Variants in LYST observed in about 807,000 individuals in gnomAD.
LYST encodes lysosomal-trafficking regulator.
In LYST, 192 loss-of-function variants were observed where a neutral mutation model predicts 413.6. That is an observed-to-expected ratio of 0.46 (90% CI 0.41 to 0.52). The LOEUF (loss-of-function observed/expected upper bound fraction) is 0.52. Among genes scored for constraint, LYST ranks in the 20% least tolerant of loss-of-function variants. The pLI, the probability that LYST is intolerant of heterozygous loss-of-function variation, is 0.00. For synonymous variants in LYST, 1,525 were observed against 1,567.3 expected (o/e 0.97, Z 0.64); for missense variants, 3,815 against 4,499.9 (o/e 0.85, Z 4.35).
At chr1:235,734,917 A>G in intron 31 of LYST, 1 of 286,178 alleles carries the variant, frequency 3.5e-6, no homozygotes, top group Non-Finnish European at 6.6e-6. Flanking sequence ...AAGAATTTAG[A>G]GGTAAAATAT....
In LYST at chr1:235,686,738, G is replaced by A. The variant is rs982642835; in HGVS notation, c.10800+211C>T. 4.6e-5 allele frequency among the ~76,000 whole-genome samples: 7 copies of A among 151,824 alleles called. No individual in the cohort carries two copies. The highest frequency in any genetic ancestry group is 2.1e-4 in the South Asian group (1 of 4,822). ...CAAAACAGATCTAACTCAAAATACC[G>A]TCTCTGAAAAAAAATGGGACTACTA... On this transcript the variant is annotated intron_variant, in intron 48 of 52. Transcript: ENST00000389793. This position sits in a 1 kb window ranked among gnomAD's most constrained non-coding sequence, Gnocchi z 4.0.
At position 235,830,333 on chromosome 1, in the gene LYST, C is replaced by T. The variant is rs755173231; in HGVS notation, c.85G>A (p.Ala29Thr). The T allele has an allele frequency of 1.3e-5, 21 of 1,613,778 alleles. No individual in the cohort carries two copies. The highest frequency in any genetic ancestry group is 1.7e-5 in the Non-Finnish European group (20 of 1,179,886). The change falls in exon 3 of 53, where the codon GCC (alanine) becomes ACC (threonine). Residue 29 changes from alanine to threonine, a missense_variant. By Grantham distance (58) the Ala-to-Thr change is moderately conservative. Coordinates refer to ENST00000389793, the MANE Select transcript of LYST (RefSeq NM_000081.4). ...LCNAVVQRVE[A>T]REEEEEETHM... ...GTCTCCTCCTCTTCTTCCTCCCTGG[C>T]CTCCACCCTCTGGACCACTGCATTG...
At chr1:235,833,110 A>T (rs1411086001) in intron 2 of LYST, among the ~76,000 whole-genome samples, 3 of 151,528 alleles carry the variant, frequency 2.0e-5, no homozygotes, top group African/African-American at 4.8e-5. Flanking sequence ...ATCAGTTTGC[A>T]CTAACAGAAC....
chr1:235,744,041 C>G lies in LYST; in HGVS notation c.8089G>C (p.Val2697Leu). The G allele has an allele frequency of 1.9e-6, 3 of 1,577,684 alleles. No homozygotes were observed. Among genetic ancestry groups the G allele is most frequent in the Non-Finnish European group, 2.6e-6 (3 of 1,147,820 alleles). ...EENIHHEQSS[V>L]FNPFQKEIFT... ...ATTTCTTTCTGAAATGGATTGAAAACAGAAGACTGTTCATGATGAATATTT... is the reference window on the plus strand; with the variant it reads ...ATTTCTTTCTGAAATGGATTGAAAAGAGAAGACTGTTCATGATGAATATTT... The change falls in exon 30 of 53, where the codon GTT becomes CTT. Residue 2697 changes from valine (V) to leucine (L), a missense_variant. Transcript: ENST00000389793.
At chr1:235,731,984 T>C (rs879385634) in intron 34 of LYST, among the ~76,000 whole-genome samples, 1 of 152,168 alleles carries the variant, frequency 6.6e-6, no homozygotes, top group Non-Finnish European at 1.5e-5. Flanking sequence ...ACATATTAAG[T>C]ACATTTTTAG....
At chr1:235,723,986 A>T in intron 39 of LYST, 42 bp downstream of exon 39, 1 of 1,537,848 alleles carries the variant, frequency 6.5e-7, no homozygotes, top group Non-Finnish European at 9.0e-7. Flanking sequence ...GTGGCCCATG[A>T]GCACTTAAAC....
chr1:235,712,824 G>A (rs781171101), intron 42 of LYST: 2 of 984,708 alleles, frequency 2.0e-6, no homozygotes, highest in Non-Finnish European at 2.4e-6. Context: ...TTTTTCCAGG[G>A]TAGACTATTA....
rs562170467 is a variant in LYST, at chr1:235,732,988, CAA to C, written c.8801+513_8801+514del. Among the ~76,000 whole-genome samples, 389 of 152,250 alleles carry C rather than the reference CAA, an allele frequency of 2.6e-3. 2 individuals carry two copies. The highest frequency in any genetic ancestry group is 0.014 in the Middle Eastern group (4 of 292). On this transcript the variant is annotated intron_variant, in intron 34 of 52. Transcript: ENST00000389793. ...TGAGCTTAGAAAGTCATCTATCCTT[CAA>C]AGAGTTGACAAATATCCTATTATCT...
intron 1 of LYST, among the ~76,000 whole-genome samples, chr1:235,849,792 A>C (rs1244141489): frequency 6.6e-6 from 1 of 150,882 alleles, no homozygotes; most frequent in African/African-American, 2.4e-5. Flanking sequence ...AAAAAAAAAA[A>C]AAAAAACTTA....
chr1:235,725,928 C>G (rs998560276), intron 38 of LYST, among the ~76,000 whole-genome samples: 27 of 152,154 alleles, frequency 1.8e-4, no homozygotes, highest in Middle Eastern at 3.4e-3. Flanking sequence ...ATCACTAGGT[C>G]CCTCCCAAAG....
chr1:235,791,380 C>T (rs752266951), intron 12 of LYST, among the ~76,000 whole-genome samples: 6 of 152,108 alleles, frequency 3.9e-5, no homozygotes. Flanking sequence ...CCTTTTATAA[C>T]ATCAGGAGCC....
chr1:235,813,890 G>C (rs910762286), intron 3 of LYST, among the ~76,000 whole-genome samples: 1 of 152,196 alleles, frequency 6.6e-6, no homozygotes, highest in African/African-American at 2.4e-5. Flanking sequence ...CAGTGGGAGA[G>C]GGGGTCGCAT....
intron 49 of LYST, 133 bp downstream of exon 49, chr1:235,677,347 T>G: frequency 8.8e-7 from 1 of 1,134,126 alleles, no homozygotes; most frequent in Non-Finnish European, 1.3e-6. Context: ...TAGGTAATCT[T>G]ACTACCTTTA....
At position 235,791,993 on chromosome 1, in the gene LYST, T is replaced by C. The variant is rs757388781; in HGVS notation, c.4249A>G (p.Ile1417Val). ...AAACCCATGGCCTTACTGTTTAAAA[T>C]CCCAGGATACTTTTGTGATGAAACA... ...NGVSSQKYPG[I>V]LNSKAMGLLR... The change falls in exon 12 of 53, where the codon ATT (isoleucine) becomes GTT (valine). Residue 1417 changes from isoleucine (I) to valine (V), a missense_variant. Coordinates refer to ENST00000389793, the MANE Select transcript of LYST (RefSeq NM_000081.4). 1.2e-6 allele frequency: 2 copies of C among 1,614,074 alleles called. No individual in the cohort carries two copies. Among genetic ancestry groups the C allele is most frequent in the South Asian group, 2.2e-5 (2 of 91,086 alleles).
upstream of LYST, among the ~76,000 whole-genome samples, chr1:235,871,441 G>T (rs1327804191): frequency 6.6e-6 from 1 of 152,168 alleles, no homozygotes; most frequent in Non-Finnish European, 1.5e-5. Context: ...ACTAATTAAA[G>T]ACCCAGAATT....
intron 48 of LYST, among the ~76,000 whole-genome samples, chr1:235,680,311 A>T (rs1317680256): frequency 6.6e-6 from 1 of 152,186 alleles, no homozygotes; most frequent in Admixed American, 6.5e-5. Context: ...GCTGCAGTGT[A>T]GTGGTGTGAT....
intron 47 of LYST, among the ~76,000 whole-genome samples, chr1:235,690,359 T>G (rs1217038409): frequency 6.6e-6 from 1 of 152,188 alleles, no homozygotes; most frequent in Non-Finnish European, 1.5e-5. Context: ...TATAATATGT[T>G]TTTGTGTTTT....
intron 45 of LYST, among the ~76,000 whole-genome samples, chr1:235,698,734 G>T (rs755199570): frequency 1.3e-5 from 2 of 151,992 alleles, no homozygotes; most frequent in African/African-American, 4.8e-5. Context: ...TTAACTGGGC[G>T]TGGTGGCGGG....
chr1:235,801,015 T>C lies in LYST; in HGVS notation c.3795A>G (p.Glu1265=). 1.2e-6 allele frequency: 2 copies of C among 1,613,784 alleles called. No individual in the cohort carries two copies. The highest frequency in any genetic ancestry group is 1.7e-6 in the Non-Finnish European group (2 of 1,179,784). Residue 1265 remains glutamate (E), a synonymous_variant, in exon 9 of 53, where the codon GAA becomes GAG. Coordinates refer to ENST00000389793, the MANE Select transcript of LYST (RefSeq NM_000081.4). ...NDLLENLTQG[E]IIYPEICMLE... is the part of the protein sequence containing the mutation. Reference sequence around the variant, plus strand: ...GCATACAAATCTCAGGATAAATTATTTCCCCTTGAGTGAGGTTTTCGAGTA... The same window carrying C: ...GCATACAAATCTCAGGATAAATTATCTCCCCTTGAGTGAGGTTTTCGAGTA...
Sources: gnomAD v4.1 joint callset for allele counts (sites outside exome capture counted in the v4.1 genomes callset) on GRCh38, gnomAD v4.1.1 for gene constraint, Gnocchi (gnomAD v3.1) non-coding constraint, MANE v1.5 for transcripts, NCBI Gene and HGNC (gene_info 2026-07-23, HGNC 2026-07-21) for gene names.